Variants in ACAD11 observed in about 807,000 individuals in gnomAD.
The protein encoded by ACAD11 is acyl-CoA dehydrogenase family member 11, also known as acyl-Coenzyme A dehydrogenase family, member 11.
In ACAD11, 83 loss-of-function variants were observed where a neutral mutation model predicts 102.2. That is an observed-to-expected ratio of 0.81 (90% confidence interval 0.68 to 0.97). The LOEUF (loss-of-function observed/expected upper bound fraction) is 0.97. Ranked by LOEUF, ACAD11 falls within the 50% of genes least tolerant of loss-of-function variation. The pLI is 0.00. For synonymous variants in ACAD11, 324 were observed against 319.8 expected (o/e 1.01, Z -0.14); for missense variants, 901 against 951.7 (o/e 0.95, Z 0.70).
intron 11 of ACAD11, among the ~76,000 whole-genome samples, chr3:132,616,088 T>A (rs1167026694): frequency 6.6e-6 from 1 of 152,192 alleles, no homozygotes; most frequent in Non-Finnish European, 1.5e-5. Flanking sequence ...TTGGAAATGA[T>A]CCAAAATGCA....
At chr3:132,613,296 C>T (rs1177429254) in intron 11 of ACAD11, among the ~76,000 whole-genome samples, 1 of 151,764 alleles carries the variant, frequency 6.6e-6, no homozygotes, top group Non-Finnish European at 1.5e-5. Context: ...TTAATGGGTG[C>T]AGCACACCAA....
intron 13 of ACAD11, among the ~76,000 whole-genome samples, chr3:132,591,695 G>A (rs563150765): frequency 9.9e-5 from 15 of 152,076 alleles, no homozygotes; most frequent in African/African-American, 3.4e-4. Context: ...TTTGAAACCA[G>A]CCCGGGCAAC....
At chr3:132,575,467 C>G (rs1158499492) in intron 17 of ACAD11, among the ~76,000 whole-genome samples, 2 of 152,166 alleles carry the variant, frequency 1.3e-5, no homozygotes, top group African/African-American at 4.8e-5. Flanking sequence ...CTTATGACAG[C>G]TCCTTCATGT....
chr3:132,600,012 G>T (rs1357281576), intron 13 of ACAD11, among the ~76,000 whole-genome samples: 3 of 152,042 alleles, frequency 2.0e-5, no homozygotes, highest in Non-Finnish European at 2.9e-5. Context: ...TGTATGTAAA[G>T]ATTATAACAC....
intron 12 of ACAD11, 141 bp downstream of exon 12, chr3:132,604,957 G>A (rs1331081870): frequency 9.4e-6 from 5 of 532,382 alleles, no homozygotes; most frequent in Non-Finnish European, 1.0e-5. Context: ...TTAATAACAG[G>A]CTCAAAATAA....
intron 13 of ACAD11, among the ~76,000 whole-genome samples, chr3:132,599,333 C>T: frequency 6.6e-6 from 1 of 151,856 alleles, no homozygotes; most frequent in Non-Finnish European, 1.5e-5. Context: ...TAGTGAAACC[C>T]CATCTCTACT....
chr3:132,562,248 C>T (rs752366250), intron 17 of ACAD11, among the ~76,000 whole-genome samples: 27 of 152,218 alleles, frequency 1.8e-4, no homozygotes, highest in Non-Finnish European at 3.8e-4. Context: ...GGACTACAGG[C>T]GCCCATCACC....
rs76720789 is a variant in ACAD11 at position 132,644,908 on chromosome 3, T to TA, written c.150-13dup. On this transcript the variant is annotated splice_polypyrimidine_tract_variant and intron_variant, in intron 1 of 19. Transcript: ENST00000264990. Reference sequence around the variant, plus strand: ...TGGACTTTCCTGCTCTAGATAAAAGTAAAAAAAAAAAAGGTCAATTACAAA... The same window carrying TA: ...TGGACTTTCCTGCTCTAGATAAAAGTAAAAAAAAAAAAAGGTCAATTACAAA... 0.023 allele frequency: 27,519 copies of TA among 1,220,368 alleles called. No individual in the cohort carries two copies. The highest frequency in any genetic ancestry group is 0.024 in the Non-Finnish European group (21,768 of 892,372). 75.6% of individuals were successfully genotyped at this position (1,220,368 alleles called of 1,614,324 possible). A position where few individuals can be genotyped will look rare whatever the true frequency, so the allele number is the denominator to read the frequency against.
chr3:132,623,283 T>G (rs1013032564), intron 9 of ACAD11, among the ~76,000 whole-genome samples: 1 of 152,200 alleles, frequency 6.6e-6, no homozygotes, highest in Non-Finnish European at 1.5e-5. Flanking sequence ...TTGTATTATA[T>G]GATACAACCT....
chr3:132,576,494 A>G (rs1937526289), intron 16 of ACAD11, among the ~76,000 whole-genome samples: 1 of 152,216 alleles, frequency 6.6e-6, no homozygotes, highest in African/African-American at 2.4e-5. Flanking sequence ...TATATCTAAT[A>G]CTTGAATTCA....
At chr3:132,655,803 A>G (rs1353889916) in intron 1 of ACAD11, among the ~76,000 whole-genome samples, 1 of 152,244 alleles carries the variant, frequency 6.6e-6, no homozygotes, top group Admixed American at 6.5e-5. Context: ...GATACATATT[A>G]GGCACTCAGC....
Position 132,628,395 on chromosome 3 carries a change from A to T in ACAD11, c.1015T>A (p.Leu339Ile). ...AGAGGTTGCACAATATTGGCAAATA[A>T]AAAGCTATCCTCAGATGAATTATTT... is the stretch of plus-strand genomic sequence containing the variant. ...LGNNSSEDSF[L>I]FANIVQPLAE... The change falls in exon 8 of 20, where the codon TTA becomes ATA. Residue 339 changes from leucine to isoleucine, a missense_variant. Transcript: ENST00000264990. 1 of 1,613,356 alleles carries T rather than the reference A, an allele frequency of 6.2e-7. No homozygotes were observed. The highest frequency in any genetic ancestry group is 8.5e-7 in the Non-Finnish European group (1 of 1,179,680).
At chr3:132,642,884 T>G in intron 2 of ACAD11, 82 bp from the exon 3 acceptor site, 1 of 1,424,728 alleles carries the variant, frequency 7.0e-7, no homozygotes, top group Non-Finnish European at 9.7e-7. Context: ...TGAGCTAATC[T>G]TAAGGCTAGA....
At chr3:132,638,333 C>G (rs1940350515) in intron 5 of ACAD11, among the ~76,000 whole-genome samples, 1 of 152,018 alleles carries the variant, frequency 6.6e-6, no homozygotes, top group South Asian at 2.1e-4. Flanking sequence ...CTTCTCTGTA[C>G]TATAACACTG....
chr3:132,559,908 A>ACGGCCCAGTCAACGATTTTGCTGG lies in ACAD11; in HGVS notation c.2152_2153insCCAGCAAAATCGTTGACTGGGCCG (p.Ala717_Val718insAlaSerLysIleValAspTrpAla). On this transcript the variant is annotated inframe_insertion, in exon 19 of 20. Coordinates refer to ENST00000264990, the MANE Select transcript of ACAD11 (RefSeq NM_032169.5). Reference sequence around the variant, plus strand: ...GATGGCCCAGTCAACGATTTTGCTGACAGCCCGTGGGGCAGCCACTTTGAT... The same window carrying ACGGCCCAGTCAACGATTTTGCTGG: ...GATGGCCCAGTCAACGATTTTGCTGACGGCCCAGTCAACGATTTTGCTGGCAGCCCGTGGGGCAGCCACTTTGAT... The ACGGCCCAGTCAACGATTTTGCTGG allele has an allele frequency of 1.9e-6, 3 of 1,613,560 alleles. No individual in the cohort carries two copies. Among genetic ancestry groups the ACGGCCCAGTCAACGATTTTGCTGG allele is most frequent in the Non-Finnish European group, 2.5e-6 (3 of 1,179,714 alleles).
chr3:132,564,792 T>C (rs1419252977), intron 17 of ACAD11, among the ~76,000 whole-genome samples: 1 of 152,182 alleles, frequency 6.6e-6, no homozygotes. Flanking sequence ...CTAATAACCC[T>C]GGGCATTATC....
chr3:132,568,801 CA>C (rs755568917), intron 17 of ACAD11, among the ~76,000 whole-genome samples: 1,584 of 68,482 alleles, frequency 0.023, 3 homozygotes, highest in Non-Finnish European at 0.035. Flanking sequence ...CATCCACAGG[CA>C]AAAAAAAAAA....
At chr3:132,647,265 C>A (rs1940750178) in intron 1 of ACAD11, 1 of 152,096 alleles carries the variant, frequency 6.6e-6, no homozygotes, top group Non-Finnish European at 1.5e-5. Flanking sequence ...ATCAGGCCTC[C>A]AAATAGCCTA....
chr3:132,604,512 T>C, intron 12 of ACAD11, among the ~76,000 whole-genome samples: 1 of 152,308 alleles, frequency 6.6e-6, no homozygotes, highest in East Asian at 1.9e-4. Flanking sequence ...TTAAAAATTA[T>C]GGACAAGCAA....
Sources: allele counts gnomAD v4.1 joint callset (sites outside exome capture counted in the v4.1 genomes callset), GRCh38; gene constraint gnomAD v4.1.1; transcripts MANE v1.5; gene names NCBI Gene and HGNC (gene_info 2026-07-23, HGNC 2026-07-21).